Variants in LINGO2 observed in about 807,000 individuals in gnomAD.
LINGO2 encodes the protein leucine rich repeat and Ig domain containing 2, also known as leucine-rich repeat and immunoglobulin-like domain-containing nogo receptor-interacting protein 2.
A neutral mutation model predicts 30.6 loss-of-function variants in LINGO2; 14 were observed. The ratio of observed to expected loss-of-function variants is 0.46; its 90% confidence interval spans 0.30 to 0.72. LINGO2 has a LOEUF of 0.72. LINGO2 is among the 30% of genes least tolerant of loss of function. LINGO2 has a pLI of 0.07. For synonymous variants in LINGO2, 317 were observed against 288.5 expected, an observed-to-expected ratio of 1.10 and a Z score of -1.00; for missense variants, 729 against 751.7, an observed-to-expected ratio of 0.97 and a Z score of 0.35.
chr9:28,252,416 G>A (rs1315040448), intron 4 of LINGO2, among the ~76,000 whole-genome samples: 7 of 151,986 alleles, frequency 4.6e-5, no homozygotes, highest in Admixed American at 6.6e-5. Context: ...TAGTAGAGAC[G>A]GGGTTTTGCC....
intron 2 of LINGO2, among the ~76,000 whole-genome samples, chr9:28,402,607 CTTCTT>C (rs994679722): frequency 2.6e-5 from 4 of 151,884 alleles, no homozygotes; most frequent in African/African-American, 9.7e-5. Context: ...TCCTTCCTCT[CTTCTT>C]TTCCTCTTAG....
chr9:29,060,424 C>A, the LINGO2 span, among the ~76,000 whole-genome samples: 2 of 151,982 alleles, frequency 1.3e-5, no homozygotes, highest in African/African-American at 2.4e-5. Context: ...GGATAAACTT[C>A]TGTGAAAACA....
At chr9:28,309,402 A>G (rs1388431721) in intron 3 of LINGO2, among the ~76,000 whole-genome samples, 1 of 148,830 alleles carries the variant, frequency 6.7e-6, no homozygotes, top group Non-Finnish European at 1.5e-5. Flanking sequence ...TGGACACAGG[A>G]AGGGGAACAT....
At chr9:29,105,638 T>C in the LINGO2 span, among the ~76,000 whole-genome samples, 348 of 152,284 alleles carry the variant, frequency 2.3e-3, 1 homozygote, top group Non-Finnish European at 4.1e-3. Flanking sequence ...AATCAACTGA[T>C]TTTGAGCTAA....
intron 4 of LINGO2, among the ~76,000 whole-genome samples, chr9:28,081,129 C>A (rs952682082): frequency 2.0e-5 from 3 of 152,142 alleles, no homozygotes; most frequent in African/African-American, 7.2e-5. Context: ...CTTGTGCGGG[C>A]TGTTCTAGGC....
the LINGO2 span, among the ~76,000 whole-genome samples, chr9:28,718,094 G>T: frequency 6.6e-6 from 1 of 151,188 alleles, no homozygotes; most frequent in Non-Finnish European, 1.5e-5. Flanking sequence ...AAATTTAAAA[G>T]ATTAATTTCA....
At chr9:29,071,332 T>C in the LINGO2 span, among the ~76,000 whole-genome samples, 2 of 150,856 alleles carry the variant, frequency 1.3e-5, no homozygotes, top group African/African-American at 2.4e-5. Flanking sequence ...CCTAGAATTA[T>C]ATGTGCATAA....
chr9:28,801,739 C>A, the LINGO2 span, among the ~76,000 whole-genome samples: 3 of 151,974 alleles, frequency 2.0e-5, no homozygotes, highest in Non-Finnish European at 2.9e-5. Flanking sequence ...CTGTGATACA[C>A]TGGAGGATAA....
chr9:28,569,123 A>C (rs930489190), intron 1 of LINGO2, among the ~76,000 whole-genome samples: 4 of 152,198 alleles, frequency 2.6e-5, no homozygotes, highest in East Asian at 3.9e-4. Context: ...ATTATCAGAA[A>C]GATGAAAAAT....
At chr9:29,050,151 C>G in the LINGO2 span, among the ~76,000 whole-genome samples, 2 of 152,020 alleles carry the variant, frequency 1.3e-5, no homozygotes, top group Admixed American at 1.3e-4. Flanking sequence ...TCAGCCTCAC[C>G]AGTAGCTGGG....
the LINGO2 span, among the ~76,000 whole-genome samples, chr9:28,875,626 C>T: frequency 0.8 from 121,627 of 151,872 alleles, 48,708 homozygotes; most frequent in East Asian, 0.89. Context: ...TTCCCCACGT[C>T]GAAATTTTAC....
intron 4 of LINGO2, chr9:28,149,296 G>C (rs1361050973): frequency 1.7e-6 from 1 of 587,446 alleles, no homozygotes; most frequent in Admixed American, 3.0e-5. Flanking sequence ...GAGACCTGAG[G>C]AGCATCTCTG....
At chr9:28,914,814 C>A in the LINGO2 span, among the ~76,000 whole-genome samples, 2 of 152,156 alleles carry the variant, frequency 1.3e-5, no homozygotes, top group African/African-American at 4.8e-5. Flanking sequence ...CAATCACTAA[C>A]CCAAACAGTC....
At chr9:28,556,500 T>C (rs1248821244) in intron 1 of LINGO2, among the ~76,000 whole-genome samples, 1 of 151,904 alleles carries the variant, frequency 6.6e-6, no homozygotes, top group Non-Finnish European at 1.5e-5. Flanking sequence ...TAAAAGAGGA[T>C]ACAAACAAAT....
chr9:28,298,160 T>A (rs1823994688), intron 3 of LINGO2, among the ~76,000 whole-genome samples: 1 of 152,140 alleles, frequency 6.6e-6, no homozygotes, highest in South Asian at 2.1e-4. Flanking sequence ...AAATATGTTA[T>A]TAATGAGAAT....
chr9:29,110,533 C>T, the LINGO2 span, among the ~76,000 whole-genome samples: 1 of 151,702 alleles, frequency 6.6e-6, no homozygotes, highest in South Asian at 2.1e-4. Flanking sequence ...TGGGTTTCAC[C>T]GTGTTAGCCA....
chr9:29,071,995 T>G, the LINGO2 span, among the ~76,000 whole-genome samples: 1 of 152,126 alleles, frequency 6.6e-6, no homozygotes, highest in Non-Finnish European at 1.5e-5. Flanking sequence ...TCCTTGCAAG[T>G]ATTAGCAATG....
Position 28,042,542 on chromosome 9 carries a change from C to T in LINGO2, c.-86-30137G>A, listed in dbSNP as rs116254546. Among the ~76,000 whole-genome samples the T allele has an allele frequency of 4.2e-3, 643 of 152,258 alleles. 7 individuals carry two copies. Among genetic ancestry groups the T allele is most frequent in the African/African-American group, 0.014 (598 of 41,538 alleles). On this transcript the variant is annotated intron_variant, in intron 4 of 5. Coordinates refer to ENST00000379992, the Ensembl canonical transcript of LINGO2. ...AAGTGTTATAACCAAAGTCCACCAT[C>T]TTTCATCTTGAACCTCTTATTAGCA...
At chr9:28,590,473 C>T (rs1374592802) in intron 1 of LINGO2, among the ~76,000 whole-genome samples, 1 of 151,666 alleles carries the variant, frequency 6.6e-6, no homozygotes, top group Non-Finnish European at 1.5e-5. Flanking sequence ...AAAAAACAGA[C>T]AACCCCATCA....
Sources: allele counts gnomAD v4.1 joint callset (sites outside exome capture counted in the v4.1 genomes callset), GRCh38; gene constraint gnomAD v4.1.1; transcripts MANE v1.5; gene names NCBI Gene and HGNC (gene_info 2026-07-23, HGNC 2026-07-21).